The following OBSL1 variants were observed in gnomAD, a reference collection of about 807,000 sequenced individuals.
OBSL1 encodes the protein obscurin like cytoskeletal adaptor 1, also known as obscurin-like protein 1.
A neutral mutation model predicts 172.0 loss-of-function variants in OBSL1; 160 were observed. The observed-to-expected ratio is 0.93, with a 90% CI of 0.82 to 1.06. The LOEUF (loss-of-function observed/expected upper bound fraction) is 1.06. Ranked by LOEUF, OBSL1 falls within the 50% of genes least tolerant of loss-of-function variation. OBSL1 has a pLI of 0.00. For synonymous variants in OBSL1, 1,200 were observed against 1,196.3 expected, an observed-to-expected ratio of 1.00 and a Z score of -0.06; for missense variants, 2,681 against 2,715.4, an observed-to-expected ratio of 0.99 and a Z score of 0.28.
rs973296901 is a variant in OBSL1 at position 219,570,603 on chromosome 2, G to T, written c.630C>A (p.His210Gln). 4.9e-5 allele frequency: 74 copies of T among 1,515,358 alleles called. No individual in the cohort carries two copies. The highest frequency in any genetic ancestry group is 6.2e-5 in the Non-Finnish European group (71 of 1,136,142). 93.9% of individuals were successfully genotyped at this position (1,515,358 alleles called of 1,614,324 possible). A position where few individuals can be genotyped will look rare whatever the true frequency, so the allele number is the denominator to read the frequency against. The stretch of plus-strand genomic sequence containing the variant: ...GCGCGTGGCCGTGCGCGTTGCGGGC[G>T]TGGCACACGTAGACGCCGGAATCCG... Reference protein sequence around the residue: ...RLPDSGVYVCHARNAHGHAQA... With the variant: ...RLPDSGVYVCQARNAHGHAQA... The change falls in exon 1 of 21, where the codon CAC (histidine) becomes CAA (glutamine). Residue 210 changes from histidine (H) to glutamine (Q), a missense_variant. Physicochemically the swap from His to Gln is conservative, Grantham distance 24. This residue lies in a region of OBSL1 where 706 missense variants were observed against 695.8 expected (regional missense o/e 1.01). Coordinates refer to ENST00000404537, the MANE Select transcript of OBSL1 (RefSeq NM_015311.3).
At chr2:219,555,507 TG>T (rs1695936703) in intron 14 of OBSL1, 2 of 416,590 alleles carry the variant, frequency 4.8e-6, no homozygotes, top group Non-Finnish European at 6.5e-6. Context: ...CTCGAACTCC[TG>T]GCCTCAAGGG....
At chr2:219,553,247 G>A (rs1695765038) in intron 16 of OBSL1, among the ~76,000 whole-genome samples, 1 of 152,212 alleles carries the variant, frequency 6.6e-6, no homozygotes. Context: ...GGCCGCCAAG[G>A]CACTCGGGAA....
chr2:219,566,093 T>G (rs957113302), intron 5 of OBSL1, among the ~76,000 whole-genome samples: 2 of 152,298 alleles, frequency 1.3e-5, no homozygotes, highest in Non-Finnish European at 2.9e-5. Flanking sequence ...GCTCATTAGC[T>G]CCGTACTTTG....
At chr2:219,559,720 T>G (rs1308396678) in intron 8 of OBSL1, 1 of 534,194 alleles carries the variant, frequency 1.9e-6, no homozygotes, top group Non-Finnish European at 3.3e-6. Flanking sequence ...GTTTCTCATC[T>G]ATCACATACC....
chr2:219,567,915 G>C lies in OBSL1; in HGVS notation c.1337C>G (p.Ala446Gly), dbSNP rs1213060819. 1 of 1,613,868 alleles carries C rather than the reference G, an allele frequency of 6.2e-7. No homozygotes were observed. The highest frequency in any genetic ancestry group is 1.1e-5 in the South Asian group (1 of 91,080). ...RKLDVLEGEN[A>G]VLLVETLEAG... ...CTCTAGAGTTTCCACTAGCAGCACA[G>C]CATTCTCTCCTTCCAGGACGTCGAG... Residue 446 changes from alanine to glycine, a missense_variant, in exon 3 of 21, where the codon GCT becomes GGT. By Grantham distance (60) the Ala-to-Gly change is moderately conservative. Coordinates refer to ENST00000404537, the MANE Select transcript of OBSL1 (RefSeq NM_015311.3).
In OBSL1 at chr2:219,558,063, A is replaced by C. The variant is rs762589782; in HGVS notation, c.3550T>G (p.Cys1184Gly). The part of the protein sequence containing the change: ...LALETTPSPL[C>G]VAPGEPVVLS... ...ACCACTGGCTCCCCAGGGGCCACAC[A>C]GAGCGGGCTTGGAGTTGTCTCTAGA... The change falls in exon 11 of 21, where the codon TGT becomes GGT. Residue 1184 changes from cysteine to glycine, a missense_variant. Physicochemically the swap from Cys to Gly is radical, Grantham distance 159. Transcript: ENST00000404537. 6.2e-7 allele frequency: 1 copy of C among 1,613,718 alleles called. No individual in the cohort carries two copies. Among genetic ancestry groups the C allele is most frequent in the Non-Finnish European group, 8.5e-7 (1 of 1,179,858 alleles).
chr2:219,567,018 A>G lies in OBSL1; in HGVS notation c.1946T>C (p.Leu649Pro), dbSNP rs781277418. Residue 649 changes from leucine to proline, a missense_variant, in exon 5 of 21, where the codon CTT becomes CCT. Leu to Pro is a moderately conservative substitution (Grantham distance 98). Around this residue, in one of 5 missense-constraint regions of OBSL1, gnomAD observed 53 missense variants for 85.5 expected, o/e 0.62. Coordinates refer to ENST00000404537, the MANE Select transcript of OBSL1 (RefSeq NM_015311.3). Reference protein sequence around the residue: ...LSTIIQGTWFLNGEELKSNEP... With the variant: ...LSTIIQGTWFPNGEELKSNEP... ...GTTACTCTTGAGCTCTTCCCCATTA[A>G]GGAACCAGGTACCCTGGATGATGGT... is the stretch of plus-strand genomic sequence containing the variant. The G allele has an allele frequency of 6.2e-7, 1 of 1,613,718 alleles. No homozygotes were observed. Among genetic ancestry groups the G allele is most frequent in the Non-Finnish European group, 8.5e-7 (1 of 1,179,894 alleles).
chr2:219,562,298 C>T (rs1426939070), intron 8 of OBSL1, 104 bp downstream of exon 8: 16 of 1,420,724 alleles, frequency 1.1e-5, no homozygotes, highest in Non-Finnish European at 1.6e-5. Flanking sequence ...CACCTGCAGC[C>T]CACACCTCCC....
At chr2:219,548,821 G>A (rs1695453776), downstream of OBSL1, among the ~76,000 whole-genome samples, 1 of 152,158 alleles carries the variant, frequency 6.6e-6, no homozygotes, top group Non-Finnish European at 1.5e-5. Context: ...GGGAGCAAGT[G>A]TAGGGGGAAA....
downstream of OBSL1, chr2:219,549,075 T>A (rs1559128046): frequency 6.5e-7 from 1 of 1,536,418 alleles, no homozygotes; most frequent in South Asian, 1.1e-5. Context: ...GAGCCACAGG[T>A]GGGATGAGAG....
chr2:219,547,371 G>C, downstream of OBSL1: 1 of 691,068 alleles, frequency 1.4e-6, no homozygotes, highest in East Asian at 3.0e-5. Context: ...CATGACTCCA[G>C]TGACCCTCAA....
chr2:219,570,839 T>G lies in OBSL1; in HGVS notation c.394A>C (p.Thr132Pro). Residue 132 changes from threonine to proline, a missense_variant, in exon 1 of 21, where the codon ACG becomes CCG. Physicochemically the swap from Thr to Pro is conservative, Grantham distance 38. Coordinates refer to ENST00000404537, the MANE Select transcript of OBSL1 (RefSeq NM_015311.3). ...AGCACCCACTGGGATCGAGGCCCCG[T>G]GAGGAAGACCGGGGCGCCCTCCCCG... ...GSGEGAPVFL[T>P]GPRSQWVLRG... The G allele has an allele frequency of 6.9e-7, 1 of 1,452,760 alleles. No individual in the cohort carries two copies. The highest frequency in any genetic ancestry group is 3.0e-5 in the East Asian group (1 of 33,428). 90.0% of individuals were successfully genotyped at this position (1,452,760 alleles called of 1,614,324 possible).
At position 219,552,369 on chromosome 2, in the gene OBSL1, G is replaced by C. The variant is rs1053099643; in HGVS notation, c.5309-153C>G. 5.7e-6 allele frequency: 5 copies of C among 882,666 alleles called. No individual in the cohort carries two copies. The African/African-American group carries it at 6.7e-5, about 12-fold the overall frequency. The allele number at this position is 882,666 out of a possible 1,614,324, so 54.7% of individuals were successfully genotyped here. On this transcript the variant is annotated intron_variant, in intron 18 of 20. Coordinates refer to ENST00000404537, the MANE Select transcript of OBSL1 (RefSeq NM_015311.3). ...GGGATGCGGAGCGGGAAGCCTAGAG[G>C]TCCGGGACTAGGGGCTGGGGGCGGG...
rs1178272303 is a variant in OBSL1, at chr2:219,551,954, C to T, written c.5414-156G>A. ...CCTCAGACCCAAAGTCTCCTCTTGC[C>T]GGGGAAACGCGCTGCCCTCTGTGAC... is the stretch of plus-strand genomic sequence containing the variant. On this transcript the variant is annotated intron_variant, in intron 19 of 20. Coordinates refer to ENST00000404537, the MANE Select transcript of OBSL1 (RefSeq NM_015311.3). 2.0e-5 allele frequency among the ~76,000 whole-genome samples: 3 copies of T among 152,248 alleles called. No homozygotes were observed. In the East Asian group the frequency reaches 5.8e-4, roughly 29 times the overall value.
intron 5 of OBSL1, among the ~76,000 whole-genome samples, chr2:219,566,272 G>A (rs931589760): frequency 1.7e-4 from 26 of 152,140 alleles, no homozygotes; most frequent in African/African-American, 5.8e-4. Flanking sequence ...CCAGCTACTC[G>A]GGAGGCTGAG....
In OBSL1 at chr2:219,552,616, G is replaced by C; in HGVS notation, c.5228C>G (p.Ser1743Trp). 1 of 1,573,340 alleles carries C rather than the reference G, an allele frequency of 6.4e-7. No homozygotes were observed. Residue 1743 changes from serine (S) to tryptophan (W), a missense_variant, in exon 18 of 21, where the codon TCG becomes TGG. Physicochemically the swap from Ser to Trp is radical, Grantham distance 177 (BLOSUM62 -3). Around this residue, in one of 5 missense-constraint regions of OBSL1, gnomAD observed 1,765 missense variants for 1,748.3 expected, o/e 1.01. Transcript: ENST00000404537. ...GDGATFECTV[S>W]EVETTGRWEL... ...CCAGCGCCCCGTGGTCTCGACCTCC[G>C]ACACGGTGCACTCGAACGTAGCGCC...
At position 219,552,601 on chromosome 2, in the gene OBSL1, G is replaced by A. The variant is rs755217589; in HGVS notation, c.5243C>T (p.Thr1748Met). 6.4e-5 allele frequency: 101 copies of A among 1,581,230 alleles called. No individual in the cohort carries two copies. The highest frequency in any genetic ancestry group is 1.1e-5 in the Non-Finnish European group (13 of 1,170,170). Residue 1748 changes from threonine (T) to methionine (M), a missense_variant, in exon 18 of 21, where the codon ACG becomes ATG. Thr to Met is a moderately conservative substitution (Grantham distance 81). Around this residue, in one of 5 missense-constraint regions of OBSL1, gnomAD observed 1,765 missense variants for 1,748.3 expected, o/e 1.01. Transcript: ENST00000404537. The part of the protein sequence containing the change: ...FECTVSEVET[T>M]GRWELGGRPL... The stretch of plus-strand genomic sequence containing the variant: ...GCGGCCTCCGAGCTCCCAGCGCCCC[G>A]TGGTCTCGACCTCCGACACGGTGCA...
Position 219,552,937 on chromosome 2 carries a change from A to AG in OBSL1, c.5076dup (p.Ser1693LeufsTer86), listed in dbSNP as rs1294925652. 6.5e-7 allele frequency: 1 copy of AG among 1,535,932 alleles called. No individual in the cohort carries two copies. The highest frequency in any genetic ancestry group is 1.2e-5 in the South Asian group (1 of 83,662). On this transcript the variant is annotated frameshift_variant, in exon 17 of 21. Transcript: ENST00000404537. LOFTEE classifies it high-confidence loss of function. Reference sequence around the variant, plus strand: ...GCGCAGCTGTAGGTCCCGGCGTCCGAGGGGCCGCAGCGTCGCAGCTGGAGA... The same window carrying AG: ...GCGCAGCTGTAGGTCCCGGCGTCCGAGGGGGCCGCAGCGTCGCAGCTGGAGA...
intron 8 of OBSL1, among the ~76,000 whole-genome samples, chr2:219,560,742 G>A (rs1696401636): frequency 6.6e-6 from 1 of 152,212 alleles, no homozygotes; most frequent in African/African-American, 2.4e-5. Flanking sequence ...CCATGGGCTT[G>A]CTTGCTCTAA....
Sources: allele counts gnomAD v4.1 joint callset (sites outside exome capture counted in the v4.1 genomes callset), GRCh38; gene constraint gnomAD v4.1.1; regional missense constraint gnomAD v4.1.1; transcripts MANE v1.5; gene names NCBI Gene and HGNC (gene_info 2026-07-23, HGNC 2026-07-21).